The following LDLRAD4 variants were observed in gnomAD, a reference collection of about 807,000 sequenced individuals.
LDLRAD4 encodes low density lipoprotein receptor class A domain containing 4, also known as low-density lipoprotein receptor class A domain-containing protein 4.
LDLRAD4 carries 5 observed loss-of-function variants against 17.0 expected under a neutral mutation model. The ratio of observed to expected loss-of-function variants is 0.29; its 90% CI spans 0.15 to 0.62. The LOEUF (loss-of-function observed/expected upper bound fraction) is 0.62. Ranked by LOEUF, LDLRAD4 falls within the 20% of genes least tolerant of loss-of-function variation. The pLI is 0.84. For synonymous variants in LDLRAD4, 168 were observed against 171.8 expected, an observed-to-expected ratio of 0.98 and a Z score of 0.17; for missense variants, 340 against 424.7, an observed-to-expected ratio of 0.80 and a Z score of 1.75.
intron 3 of LDLRAD4, among the ~76,000 whole-genome samples, chr18:13,571,931 G>C (rs745851770): frequency 1.1e-4 from 17 of 152,250 alleles, no homozygotes; most frequent in Non-Finnish European, 1.9e-4. Flanking sequence ...CTACCGCACC[G>C]GGCCTATAAA....
intron 1 of LDLRAD4, among the ~76,000 whole-genome samples, chr18:13,356,164 G>A (rs2083327511): frequency 6.6e-6 from 1 of 152,258 alleles, no homozygotes; most frequent in South Asian, 2.1e-4. Context: ...GAAATACCCA[G>A]TATTAGGCAC....
At chr18:13,438,578 C>T (rs1420444543) in intron 3 of LDLRAD4, among the ~76,000 whole-genome samples, 194 bp downstream of exon 4, 1 of 152,268 alleles carries the variant, frequency 6.6e-6, no homozygotes, top group Non-Finnish European at 1.5e-5. Flanking sequence ...GTTCTGTTCT[C>T]TAAAGTGGTC....
intron 3 of LDLRAD4, among the ~76,000 whole-genome samples, chr18:13,504,417 T>TTTTTATTTTTA (rs2093659123): frequency 2.0e-5 from 3 of 152,134 alleles, no homozygotes; most frequent in Non-Finnish European, 4.4e-5. Flanking sequence ...TCATTCTATA[T>TTTTTATTTTTA]TTTTATTTTT....
At chr18:13,375,106 A>G (rs2084808370) in intron 1 of LDLRAD4, among the ~76,000 whole-genome samples, 2 of 152,138 alleles carry the variant, frequency 1.3e-5, no homozygotes, top group Non-Finnish European at 2.9e-5. Flanking sequence ...GAGCAGCTAG[A>G]CTGCTTTTAG....
chr18:13,572,410 C>T (rs1403018521), intron 3 of LDLRAD4, among the ~76,000 whole-genome samples: 1 of 152,190 alleles, frequency 6.6e-6, no homozygotes, highest in Non-Finnish European at 1.5e-5. Context: ...GATGTGCTTA[C>T]AGCCTGGGCT....
chr18:13,408,366 C>T (rs535863269), intron 2 of LDLRAD4, among the ~76,000 whole-genome samples: 1 of 123,986 alleles, frequency 8.1e-6, no homozygotes, highest in South Asian at 2.8e-4. Flanking sequence ...AGAGTGAGAC[C>T]CTGTCTCAAA....
chr18:13,385,827 A>G (rs1328406746), intron 1 of LDLRAD4, among the ~76,000 whole-genome samples: 1 of 152,238 alleles, frequency 6.6e-6, no homozygotes, highest in Non-Finnish European at 1.5e-5. Context: ...TCACATTTTC[A>G]AGCACTTCAA....
chr18:13,605,793 T>C (rs1202887895), intron 3 of LDLRAD4, among the ~76,000 whole-genome samples: 1 of 152,176 alleles, frequency 6.6e-6, no homozygotes, highest in Non-Finnish European at 1.5e-5. Context: ...CCCTCACATG[T>C]CCTCGTGGTG....
At chr18:13,636,601 T>G (rs1224290351) in intron 4 of LDLRAD4, among the ~76,000 whole-genome samples, 1 of 139,932 alleles carries the variant, frequency 7.1e-6, no homozygotes, top group African/African-American at 2.5e-5. Context: ...GTTCAAACAA[T>G]TCTCCTGCCT....
chr18:13,471,355 G>A (rs541755596), intron 3 of LDLRAD4: 1 of 152,342 alleles, frequency 6.6e-6, no homozygotes, highest in East Asian at 1.9e-4. Context: ...GAGCAGAAGT[G>A]GCGGTGGAAT....
intron 1 of LDLRAD4, among the ~76,000 whole-genome samples, chr18:13,238,617 G>T (rs920364409): frequency 1.3e-5 from 2 of 152,216 alleles, no homozygotes; most frequent in Non-Finnish European, 1.5e-5. Flanking sequence ...AGGCCAGAGG[G>T]CGTGGACTGC....
chr18:13,321,995 ATT>A (rs977588001), intron 1 of LDLRAD4, among the ~76,000 whole-genome samples: 4 of 148,604 alleles, frequency 2.7e-5, no homozygotes, highest in African/African-American at 7.4e-5. Flanking sequence ...TATATTTAGA[ATT>A]TTTTTTTTAC....
At chr18:13,505,182 C>G (rs191547341) in intron 3 of LDLRAD4, among the ~76,000 whole-genome samples, 130 of 152,324 alleles carry the variant, frequency 8.5e-4, no homozygotes, top group Non-Finnish European at 5.9e-5. Flanking sequence ...CAAGCGAAGC[C>G]TCAGTTAGAT....
chr18:13,561,281 G>A (rs969760478), intron 3 of LDLRAD4: 5 of 152,152 alleles, frequency 3.3e-5, no homozygotes, highest in Non-Finnish European at 5.9e-5. Context: ...ATGGGCTTCC[G>A]TTAACTTATC....
intron 3 of LDLRAD4, among the ~76,000 whole-genome samples, chr18:13,564,507 C>G (rs899101751): frequency 6.6e-6 from 1 of 150,930 alleles, no homozygotes; most frequent in Non-Finnish European, 1.5e-5. Flanking sequence ...AGAACCTTTC[C>G]TCGCCTCACC....
chr18:13,379,761 T>G (rs1354920294), intron 1 of LDLRAD4, among the ~76,000 whole-genome samples: 3 of 152,100 alleles, frequency 2.0e-5, no homozygotes, highest in Admixed American at 2.0e-4. Context: ...GAGATGAAAA[T>G]TGTTTCGTAC....
At position 13,623,173 on chromosome 18, in the gene LDLRAD4, C is replaced by T. The variant is rs1032944798; in HGVS notation, c.336+1902C>T. On this transcript the variant is annotated intron_variant, in intron 4 of 5. Coordinates refer to ENST00000359446, the Ensembl canonical transcript of LDLRAD4. Reference sequence around the variant, plus strand: ...AAAAAGTGTCTTCTGTGTCATGTGGCGGCAGATTTGTGTGATGCCCTTTCC... The same window carrying T: ...AAAAAGTGTCTTCTGTGTCATGTGGTGGCAGATTTGTGTGATGCCCTTTCC... Among the ~76,000 whole-genome samples the T allele has an allele frequency of 5.3e-5, 8 of 152,224 alleles. No homozygotes were observed. In the South Asian group the frequency reaches 1.0e-3, roughly 20 times the overall value.
intron 1 of LDLRAD4, among the ~76,000 whole-genome samples, chr18:13,320,592 G>A (rs2081164715): frequency 6.6e-6 from 1 of 152,124 alleles, no homozygotes; most frequent in Non-Finnish European, 1.5e-5. Flanking sequence ...GTAAGAAGGT[G>A]GCCCAAGTTG....
At chr18:13,617,662 T>A (rs1237914572) in intron 3 of LDLRAD4, among the ~76,000 whole-genome samples, 1 of 151,970 alleles carries the variant, frequency 6.6e-6, no homozygotes, top group African/African-American at 2.4e-5. Context: ...TTCATATAAA[T>A]ACATAAGAAA....
Sources: gnomAD v4.1 joint callset for allele counts (sites outside exome capture counted in the v4.1 genomes callset) on GRCh38, gnomAD v4.1.1 for gene constraint, MANE v1.5 for transcripts, NCBI Gene and HGNC (gene_info 2026-07-23, HGNC 2026-07-21) for gene names.